The following MAN2C1 variants were observed in gnomAD, a reference collection of about 807,000 sequenced individuals.
MAN2C1 encodes the protein alpha-mannosidase 2C1.
Under a neutral mutation model 126.9 loss-of-function variants are expected in MAN2C1, and 111 were observed. The ratio of observed to expected loss-of-function variants is 0.87; its 90% CI spans 0.75 to 1.02. The LOEUF (loss-of-function observed/expected upper bound fraction) is 1.02. MAN2C1 is among the 50% of genes least tolerant of loss of function. The probability of loss-of-function intolerance (pLI) is 0.00; values close to 1 mark genes in which losing one functional copy is unlikely to be tolerated. For missense variants in MAN2C1, 1,363 were observed against 1,364.4 expected (o/e 1.00, Z 0.02); for synonymous variants, 567 against 561.5 (o/e 1.01, Z -0.14).
In MAN2C1 at chr15:75,361,075, C is replaced by G. The variant is rs2072458116; in HGVS notation, c.1431G>C (p.Lys477Asn). The G allele has an allele frequency of 6.2e-7, 1 of 1,611,768 alleles. No individual in the cohort carries two copies. The highest frequency in any genetic ancestry group is 8.5e-7 in the Non-Finnish European group (1 of 1,179,292). Residue 477 changes from lysine to asparagine, a missense_variant, in exon 12 of 26, where the codon AAG becomes AAC. Lys to Asn is a moderately conservative substitution (Grantham distance 94). Transcript: ENST00000267978. The surrounding 1 kb of genome is among the most constrained non-coding windows in gnomAD (Gnocchi z 5.0). The part of the protein sequence containing the change: ...GPTQTMLDRL[K>N]RLSNTDGLPR... Reference sequence around the variant, plus strand: ...GCAGCCCATCCGTATTGCTCAGGCGCTTCAGGCGGTCCAGCATGGTCTGGG... The same window carrying G: ...GCAGCCCATCCGTATTGCTCAGGCGGTTCAGGCGGTCCAGCATGGTCTGGG...
In MAN2C1 at chr15:75,361,891, GT is replaced by G; in HGVS notation, c.1064del (p.Asn355ThrfsTer43). On this transcript the variant is annotated frameshift_variant, in exon 9 of 26. Coordinates refer to ENST00000267978, the MANE Select transcript of MAN2C1 (RefSeq NM_006715.4). LOFTEE classifies it high-confidence loss of function. This position sits in a 1 kb window ranked among gnomAD's most constrained non-coding sequence, Gnocchi z 5.0. ...AMVRQFLQGQNFFLQEFGKMC... is the reference protein window; with the variant it reads ...AMVRQFLQGQXFFLQEFGKMC... Reference sequence around the variant, plus strand: ...TCTTCCCAAACTCCTGCAGAAAGAAGTTCTGGCCCTGCAAAAACTGCCTCAC... The same window carrying G: ...TCTTCCCAAACTCCTGCAGAAAGAAGTCTGGCCCTGCAAAAACTGCCTCAC... 6.2e-7 allele frequency: 1 copy of G among 1,614,118 alleles called. No homozygotes were observed. Among genetic ancestry groups the G allele is most frequent in the Non-Finnish European group, 8.5e-7 (1 of 1,180,022 alleles).
rs374402587 is a variant in MAN2C1, at chr15:75,363,801, C to T, written c.790+198G>A. The T allele has an allele frequency of 1.2e-4, 72 of 590,940 alleles. No homozygotes were observed. The African/African-American group carries it at 1.2e-3, about 10-fold the overall frequency. 36.6% of individuals were successfully genotyped at this position (590,940 alleles called of 1,614,324 possible). ...ACCCTGGGTGACAAGAGTGAGACTC[C>T]GTCTCAAAAAAAAAAAAAGTGAATC... is the stretch of plus-strand genomic sequence containing the variant. On this transcript the variant is annotated intron_variant, in intron 6 of 25. Transcript: ENST00000267978.
In MAN2C1 at chr15:75,362,775, G is replaced by A; in HGVS notation, c.791-27C>T. On this transcript the variant is annotated intron_variant, in intron 6 of 25. Coordinates refer to ENST00000267978, the MANE Select transcript of MAN2C1 (RefSeq NM_006715.4). The surrounding 1 kb of genome is among the most constrained non-coding windows in gnomAD (Gnocchi z 4.5). ...TATACGGGGAGTGAGGTGGAGGACAGAGGGAGCAGCAAGGCTGACCAGGCC... is the reference window on the plus strand; with the variant it reads ...TATACGGGGAGTGAGGTGGAGGACAAAGGGAGCAGCAAGGCTGACCAGGCC... The A allele has an allele frequency of 6.3e-7, 1 of 1,599,126 alleles. No homozygotes were observed. Among genetic ancestry groups the A allele is most frequent in the Non-Finnish European group, 8.6e-7 (1 of 1,166,870 alleles).
In MAN2C1 at chr15:75,360,220, A is replaced by T. The variant is rs766980084; in HGVS notation, c.1585-9T>A. On this transcript the variant is annotated splice_polypyrimidine_tract_variant and intron_variant, in intron 13 of 25. Transcript: ENST00000267978. ...CGGTTCCCCTTCTTGATCTGAGCCC[A>T]GGATGGGAAGATTAGTCTGGAGCCT... 6.8e-6 allele frequency: 11 copies of T among 1,606,748 alleles called. No individual in the cohort carries two copies. The highest frequency in any genetic ancestry group is 9.3e-6 in the Non-Finnish European group (11 of 1,179,918).
In MAN2C1 at chr15:75,361,334, G is replaced by A. The variant is rs1317956724; in HGVS notation, c.1266C>T (p.Val422=). Residue 422 remains valine (V), a synonymous_variant, in exon 11 of 26, where the codon GTC becomes GTT. Transcript: ENST00000267978. The surrounding 1 kb of genome is among the most constrained non-coding windows in gnomAD (Gnocchi z 5.0). ...CATAGGAGTCGCCAGGTGGGAAGTG[G>A]ACCAGTACACGGGAGCCATCCAGGC... ...WEGLDGSRVL[V]HFPPGDSYGM... 3 of 1,568,196 alleles carry A rather than the reference G, an allele frequency of 1.9e-6. No individual in the cohort carries two copies. Among genetic ancestry groups the A allele is most frequent in the Middle Eastern group, 1.7e-4 (1 of 6,036 alleles).
rs550991000 is a variant in MAN2C1 at position 75,359,231 on chromosome 15, C to T, written c.2047-78G>A. 672 of 1,595,090 alleles carry T rather than the reference C, an allele frequency of 4.2e-4. 2 individuals carry two copies. The highest frequency in any genetic ancestry group is 1.7e-3 in the African/African-American group (126 of 74,782). ...AGTCTTCCCACCCCAACCCCAGCCCCGCCTCACCACTTGCTCCAGACAGGG... is the reference window on the plus strand; with the variant it reads ...AGTCTTCCCACCCCAACCCCAGCCCTGCCTCACCACTTGCTCCAGACAGGG... On this transcript the variant is annotated intron_variant, in intron 17 of 25. Transcript: ENST00000267978.
At chr15:75,365,395 G>T (rs2072554263) in intron 4 of MAN2C1, among the ~76,000 whole-genome samples, 2 of 152,150 alleles carry the variant, frequency 1.3e-5, no homozygotes, top group South Asian at 4.1e-4. Flanking sequence ...AACATGGAAT[G>T]TAAGAAGTCA....
At position 75,358,209 on chromosome 15, in the gene MAN2C1, G is replaced by A. The variant is rs1008846559; in HGVS notation, c.2539C>T (p.Arg847Ter). ...THYNTSWDWARFEVWAHRWMD... is the reference protein window; with the variant it reads ...THYNTSWDWA ...ACCCTGCCATGTCAGACCTCAAATC[G>A]AGCCCAGTCCCAAGAGGTATTGTAG... is the stretch of plus-strand genomic sequence containing the variant. The change falls in exon 21 of 26, where the codon CGA becomes TGA. Residue 847 changes from arginine (R) to a stop codon, truncating the protein, a stop_gained. Coordinates refer to ENST00000267978, the MANE Select transcript of MAN2C1 (RefSeq NM_006715.4). LOFTEE classifies it high-confidence loss of function. 3.1e-6 allele frequency: 5 copies of A among 1,614,048 alleles called. No individual in the cohort carries two copies. Among genetic ancestry groups the A allele is most frequent in the South Asian group, 1.1e-5 (1 of 91,076 alleles).
At position 75,356,076 on chromosome 15, in the gene MAN2C1, T is replaced by C; in HGVS notation, c.2996+34A>G. 1.2e-6 allele frequency: 2 copies of C among 1,613,356 alleles called. No individual in the cohort carries two copies. The highest frequency in any genetic ancestry group is 1.7e-6 in the Non-Finnish European group (2 of 1,179,718). ...CATGAAGGCTCTGCGAGGGCGAGAC[T>C]CGACCCCCGCCCCAATCCCACACCG... On this transcript the variant is annotated intron_variant, in intron 25 of 25. Transcript: ENST00000267978. This position sits in a 1 kb window ranked among gnomAD's most constrained non-coding sequence, Gnocchi z 5.8.
chr15:75,360,788 C>T (rs1159752120), intron 12 of MAN2C1, 100 bp from the exon 13 acceptor site: 7 of 1,464,166 alleles, frequency 4.8e-6, no homozygotes, highest in Non-Finnish European at 6.5e-6. Flanking sequence ...AGAGAGGAGC[C>T]ACTCCAGAAA....
Position 75,368,521 on chromosome 15 carries a change from C to T in MAN2C1, c.63G>A (p.Val21=), listed in dbSNP as rs1455661797. Residue 21 remains valine, a synonymous_variant, in exon 1 of 26, where the codon GTG becomes GTA. Transcript: ENST00000267978. ...TACAGTCGGTAAAGTAGAGCGGCGA[C>T]ACGAACTTCTCCACCCGCTCCAGCG... ...RTTLERVEKF[V]SPLYFTDCNL... The T allele has an allele frequency of 2.6e-6, 4 of 1,556,518 alleles. No homozygotes were observed. Among genetic ancestry groups the T allele is most frequent in the Non-Finnish European group, 3.5e-6 (4 of 1,150,892 alleles).
At position 75,362,775 on chromosome 15, in the gene MAN2C1, G is replaced by C. The variant is rs2072501501; in HGVS notation, c.791-27C>G. The stretch of plus-strand genomic sequence containing the variant: ...TATACGGGGAGTGAGGTGGAGGACA[G>C]AGGGAGCAGCAAGGCTGACCAGGCC... On this transcript the variant is annotated intron_variant, in intron 6 of 25. Transcript: ENST00000267978. The surrounding 1 kb of genome is among the most constrained non-coding windows in gnomAD (Gnocchi z 4.5). 1 of 1,599,008 alleles carries C rather than the reference G, an allele frequency of 6.3e-7. No homozygotes were observed. Among genetic ancestry groups the C allele is most frequent in the Admixed American group, 1.7e-5 (1 of 59,920 alleles).
chr15:75,362,341 A>C lies in MAN2C1; in HGVS notation c.1008+2T>G, dbSNP rs1450537354. On this transcript the variant is annotated splice_donor_variant, in intron 8 of 25. Coordinates refer to ENST00000267978, the MANE Select transcript of MAN2C1 (RefSeq NM_006715.4). LOFTEE classifies it high-confidence loss of function. The surrounding 1 kb of genome is among the most constrained non-coding windows in gnomAD (Gnocchi z 4.5). Reference sequence around the variant, plus strand: ...AGGCTGAGGAGTGCCCAGTGCACTTACCATCTCCACCCAGGTGCCCCCCAC... The same window carrying C: ...AGGCTGAGGAGTGCCCAGTGCACTTCCCATCTCCACCCAGGTGCCCCCCAC... The C allele has an allele frequency of 1.2e-6, 2 of 1,613,094 alleles. No homozygotes were observed. The highest frequency in any genetic ancestry group is 1.7e-6 in the Non-Finnish European group (2 of 1,179,466).
At position 75,361,494 on chromosome 15, in the gene MAN2C1, AGAGT is replaced by A; in HGVS notation, c.1218+106_1218+109del. 7.9e-7 allele frequency: 1 copy of A among 1,261,282 alleles called. No individual in the cohort carries two copies. The highest frequency in any genetic ancestry group is 1.2e-5 in the South Asian group (1 of 82,706). 78.1% of individuals were successfully genotyped at this position (1,261,282 alleles called of 1,614,324 possible). ...CCTGCTATGTGACCCTGGCAGAGGC[AGAGT>A]GAGGGTTTGGTGGTCTGTCTAGGAC... On this transcript the variant is annotated intron_variant, in intron 10 of 25. Coordinates refer to ENST00000267978, the MANE Select transcript of MAN2C1 (RefSeq NM_006715.4). The surrounding 1 kb of genome is among the most constrained non-coding windows in gnomAD (Gnocchi z 5.0).
intron 6 of MAN2C1, chr15:75,363,375 G>A (rs2072514939): frequency 2.2e-6 from 1 of 453,826 alleles, no homozygotes; most frequent in African/African-American, 2.0e-5. Context: ...AACCCAGCTG[G>A]AGTAAGTACC....
intron 1 of MAN2C1, 117 bp from the exon 2 acceptor site, chr15:75,368,315 G>C (rs993909491): frequency 6.8e-7 from 1 of 1,475,144 alleles, no homozygotes; most frequent in Non-Finnish European, 9.1e-7. Flanking sequence ...CTGCCTGGCC[G>C]CTCCGCGGCA....
chr15:75,363,393 T>C (rs1244180944), intron 6 of MAN2C1: 4 of 442,254 alleles, frequency 9.0e-6, no homozygotes, highest in African/African-American at 2.0e-5. Context: ...ACCTCTCCTG[T>C]GCTCTCCAGT....
At position 75,360,146 on chromosome 15, in the gene MAN2C1, GGCCAGGCTACTGAGCAGCT is replaced by G; in HGVS notation, c.1631_1649del (p.Glu544AlafsTer24). On this transcript the variant is annotated frameshift_variant, in exon 14 of 26. Coordinates refer to ENST00000267978, the MANE Select transcript of MAN2C1 (RefSeq NM_006715.4). LOFTEE classifies it high-confidence loss of function. ...ATAGGAACTGGGCACTGCGGGCCAG[GGCCAGGCTACTGAGCAGCT>G]CCACGTCGTGCAGGATCCGCTCACA... 8.7e-6 allele frequency: 14 copies of G among 1,613,672 alleles called. No homozygotes were observed. The highest frequency in any genetic ancestry group is 1.2e-5 in the Non-Finnish European group (14 of 1,180,008).
At position 75,358,249 on chromosome 15, in the gene MAN2C1, C is replaced by T. The variant is rs2072379663; in HGVS notation, c.2499G>A (p.Leu833=). Residue 833 remains leucine, a synonymous_variant, in exon 21 of 26, where the codon CTG becomes CTA. Transcript: ENST00000267978. ...AGGTATTGTAGTGGGTAGGTCGCTGCAGGTGCCCAAACTGGATCTCATAGG... is the reference window on the plus strand; with the variant it reads ...AGGTATTGTAGTGGGTAGGTCGCTGTAGGTGCCCAAACTGGATCTCATAGG... ...QATYEIQFGH[L]QRPTHYNTSW... is the part of the protein sequence containing the mutation. 1 of 1,614,200 alleles carries T rather than the reference C, an allele frequency of 6.2e-7. No individual in the cohort carries two copies. Among genetic ancestry groups the T allele is most frequent in the Middle Eastern group, 1.6e-4 (1 of 6,062 alleles).
Sources: allele counts gnomAD v4.1 joint callset (sites outside exome capture counted in the v4.1 genomes callset), GRCh38; gene constraint gnomAD v4.1.1; non-coding constraint Gnocchi (gnomAD v3.1); transcripts MANE v1.5; gene names NCBI Gene and HGNC (gene_info 2026-07-23, HGNC 2026-07-21).